Variants in PCDHA5 observed in about 807,000 individuals in gnomAD.
PCDHA5 encodes the protein protocadherin alpha-5.
Under a neutral mutation model 61.6 loss-of-function variants are expected in PCDHA5, and 43 were observed. The observed-to-expected ratio is 0.70, with a 90% confidence interval of 0.55 to 0.90. The LOEUF is 0.90. Ranked by LOEUF, PCDHA5 falls within the 40% of genes least tolerant of loss-of-function variation. The pLI is 0.00. For synonymous variants in PCDHA5, 627 were observed against 543.9 expected (o/e 1.15, Z -2.13); for missense variants, 1,298 against 1,222.7 (o/e 1.06, Z -0.92).
intron 1 of PCDHA5, among the ~76,000 whole-genome samples, chr5:140,954,881 C>T (rs2095105725): frequency 6.6e-6 from 1 of 152,092 alleles, no homozygotes; most frequent in Non-Finnish European, 1.5e-5. Flanking sequence ...CCTAGCTTTT[C>T]TTCTAGGGTT....
intron 1 of PCDHA5, among the ~76,000 whole-genome samples, chr5:140,840,501 C>T (rs956640130): frequency 7.9e-5 from 12 of 151,956 alleles, no homozygotes; most frequent in African/African-American, 2.9e-4. Flanking sequence ...GGTAAATACT[C>T]ACTTTTTGGA....
intron 1 of PCDHA5, chr5:140,883,519 C>A: frequency 6.2e-7 from 1 of 1,614,190 alleles, no homozygotes; most frequent in Non-Finnish European, 8.5e-7. Flanking sequence ...ACCGCGAGAG[C>A]GTATCAGCCT....
chr5:140,857,146 C>G lies in PCDHA5; in HGVS notation c.2352+33019C>G, dbSNP rs1554149571. ...TGAAAGAAGATGCTCAAGTGGGCAC[C>G]GTCATTGCCCTAATCAGCGTTTCTG... On this transcript the variant is annotated intron_variant, in intron 1 of 3. Coordinates refer to ENST00000529859, the MANE Select transcript of PCDHA5 (RefSeq NM_018908.3). The G allele has an allele frequency of 1.9e-6, 3 of 1,598,132 alleles. 1 individual carries two copies. In the South Asian group the frequency reaches 3.3e-5, roughly 18 times the overall value.
At chr5:141,001,977 A>T (rs527826696) in intron 3 of PCDHA5, among the ~76,000 whole-genome samples, 1 of 152,246 alleles carries the variant, frequency 6.6e-6, no homozygotes, top group South Asian at 2.1e-4. Flanking sequence ...CTCTGCGCGG[A>T]AAGCCTGGAA....
At chr5:140,900,920 T>C (rs539511607) in intron 1 of PCDHA5, among the ~76,000 whole-genome samples, 1 of 152,322 alleles carries the variant, frequency 6.6e-6, no homozygotes, top group South Asian at 2.1e-4. Context: ...TAAGATGATA[T>C]CTCATTGTAG....
chr5:140,846,984 C>T (rs1554141604), intron 1 of PCDHA5, among the ~76,000 whole-genome samples: 2 of 149,190 alleles, frequency 1.3e-5, no homozygotes, highest in African/African-American at 4.9e-5. Context: ...TAAGTAAGTT[C>T]CCCCCGGGAG....
At chr5:140,909,451 G>T (rs1433382775) in intron 1 of PCDHA5, among the ~76,000 whole-genome samples, 1 of 152,216 alleles carries the variant, frequency 6.6e-6, no homozygotes, top group African/African-American at 2.4e-5. Flanking sequence ...CATTCTCCAA[G>T]ATCCATCTGT....
Position 141,009,969 on chromosome 5 carries a change from GT to G in PCDHA5, c.*37del, listed in dbSNP as rs2098415622. On this transcript the variant is annotated 3_prime_UTR_variant, in exon 4 of 4. Coordinates refer to ENST00000529859, the MANE Select transcript of PCDHA5 (RefSeq NM_018908.3). ...CAAATGGAAACAAGCCACTTAGCCA[GT>G]TTTTGTAATAATGGCAAATCTCTCC... 6.3e-7 allele frequency: 1 copy of G among 1,586,478 alleles called. No homozygotes were observed. The highest frequency in any genetic ancestry group is 1.8e-5 in the Admixed American group (1 of 54,174).
chr5:140,987,589 G>A (rs1554249335), intron 3 of PCDHA5, among the ~76,000 whole-genome samples: 1 of 152,180 alleles, frequency 6.6e-6, no homozygotes, highest in Non-Finnish European at 1.5e-5. Context: ...GGGGAGAATA[G>A]TGGTGTCTAC....
chr5:140,967,608 C>T, intron 1 of PCDHA5: 1 of 1,614,160 alleles, frequency 6.2e-7, no homozygotes, highest in Non-Finnish European at 8.5e-7. Flanking sequence ...AAGCTGAATG[C>T]CTCAGACCCG....
At chr5:140,967,188 TCAACGA>T in intron 1 of PCDHA5, 1 of 1,613,420 alleles carries the variant, frequency 6.2e-7, no homozygotes, top group Non-Finnish European at 8.5e-7. Flanking sequence ...ATATTGGACA[TCAACGA>T]CAACTCACCG....
At chr5:140,968,017 C>A in intron 1 of PCDHA5, 1 of 1,614,216 alleles carries the variant, frequency 6.2e-7, no homozygotes, top group South Asian at 1.1e-5. Flanking sequence ...GCTTTGGAAA[C>A]TCCTATACAC....
chr5:140,842,242 T>A (rs1358378131), intron 1 of PCDHA5: 2 of 1,612,266 alleles, frequency 1.2e-6, no homozygotes, highest in Non-Finnish European at 1.7e-6. Flanking sequence ...TTCGGGGTAA[T>A]TTGGATTTTG....
intron 1 of PCDHA5, chr5:140,875,630 G>A: frequency 6.2e-7 from 1 of 1,613,686 alleles, no homozygotes. Context: ...CAGGACCTGG[G>A]GCTGGAGCTG....
rs2150444436 is a variant in PCDHA5, at chr5:140,849,672, G to T, written c.2352+25545G>T. On this transcript the variant is annotated intron_variant, in intron 1 of 3. Coordinates refer to ENST00000529859, the MANE Select transcript of PCDHA5 (RefSeq NM_018908.3). The stretch of plus-strand genomic sequence containing the variant: ...GGTTACCTGCTCCCTGACGCCCCAC[G>T]TCCCCTTCAAGCTGGTGTCCACCTA... 151 of 1,598,650 alleles carry T rather than the reference G, an allele frequency of 9.4e-5. 5 individuals carry two copies. The South Asian group carries it at 1.5e-3, about 16-fold the overall frequency.
chr5:140,830,801 T>G (rs2150103350), intron 1 of PCDHA5: 1 of 158,724 alleles, frequency 6.3e-6, no homozygotes, highest in African/African-American at 2.4e-5. Flanking sequence ...TTATATGGGA[T>G]TTTCATTTGT....
intron 3 of PCDHA5, among the ~76,000 whole-genome samples, chr5:140,996,886 T>C (rs1396322934): frequency 6.6e-6 from 1 of 152,218 alleles, no homozygotes; most frequent in Non-Finnish European, 1.5e-5. Context: ...TATTTTTAAA[T>C]AAAATAGAAT....
chr5:140,940,434 T>A (rs155816), intron 1 of PCDHA5, among the ~76,000 whole-genome samples: 48,246 of 152,056 alleles, frequency 0.32, 7,999 homozygotes, highest in East Asian at 0.53. Flanking sequence ...TGATCAAGTC[T>A]GCCATGATAT....
At chr5:140,918,823 C>T (rs2078875594) in intron 1 of PCDHA5, among the ~76,000 whole-genome samples, 2 of 11,382 alleles carry the variant, frequency 1.8e-4, no homozygotes, top group African/African-American at 5.2e-3. Context: ...AAAAAGTGGC[C>T]CCCTCCCCAG....
Sources: gnomAD v4.1 joint callset for allele counts (sites outside exome capture counted in the v4.1 genomes callset) on GRCh38, gnomAD v4.1.1 for gene constraint, MANE v1.5 for transcripts, NCBI Gene and HGNC (gene_info 2026-07-23, HGNC 2026-07-21) for gene names.